NAT16: variants seen among roughly 807,000 people sequenced by gnomAD.
NAT16 encodes probable N-acetyltransferase 16.
In NAT16, 16 loss-of-function variants were observed where a neutral mutation model predicts 15.9. The ratio of observed to expected loss-of-function variants is 1.01; its 90% CI spans 0.68 to 1.53. The LOEUF is 1.53. NAT16 is among the 40% of genes most tolerant of loss of function. The probability of loss-of-function intolerance (pLI) is 0.00; values close to 1 mark genes in which losing one functional copy is unlikely to be tolerated. For missense variants in NAT16, 572 were observed against 508.4 expected (o/e 1.13, Z -1.20); for synonymous variants, 260 against 241.9 (o/e 1.07, Z -0.69).
chr7:101,173,795 C>A (rs930967628), intron 2 of NAT16: 4 of 473,970 alleles, frequency 8.4e-6, no homozygotes, highest in Non-Finnish European at 1.5e-5. Context: ...GCTATCACAG[C>A]TCACTGCAGC....
chr7:101,172,755 T>G lies in NAT16; in HGVS notation c.538-104A>C, dbSNP rs374071722. On this transcript the variant is annotated intron_variant, in intron 3 of 3. Coordinates refer to ENST00000300303, the MANE Select transcript of NAT16 (RefSeq NM_198571.3). The surrounding 1 kb of genome is among the most constrained non-coding windows in gnomAD (Gnocchi z 4.2). ...CACTCCCACGTTCACGCCCACGGGC[T>G]CCCACCTGGGTCCCTCTGGAGGAGC... 4 of 957,780 alleles carry G rather than the reference T, an allele frequency of 4.2e-6. No homozygotes were observed. The highest frequency in any genetic ancestry group is 1.8e-5 in the South Asian group (1 of 55,034). 59.3% of individuals were successfully genotyped at this position (957,780 alleles called of 1,614,324 possible).
Position 101,172,279 on chromosome 7 carries a change from T to C in NAT16, c.910A>G (p.Ser304Gly), listed in dbSNP as rs749914075. ...WRYLNIDAFG[S>G]DGAQVQSQLL... ...TGGCTCTGCACCTGCGCGCCGTCGC[T>C]ACCGAAGGCGTCGATGTTGAGATAG... The change falls in exon 4 of 4, where the codon AGC (serine) becomes GGC (glycine). Residue 304 changes from serine (S) to glycine (G), a missense_variant. Transcript: ENST00000300303. This position sits in a 1 kb window ranked among gnomAD's most constrained non-coding sequence, Gnocchi z 4.2. The C allele has an allele frequency of 1.2e-6, 2 of 1,612,374 alleles. No individual in the cohort carries two copies. The highest frequency in any genetic ancestry group is 2.2e-5 in the East Asian group (1 of 44,814).
chr7:101,178,904 A>AAAAAAAAAAC (rs1359760336), intron 1 of NAT16, among the ~76,000 whole-genome samples: 1 of 150,194 alleles, frequency 6.7e-6, no homozygotes, highest in Non-Finnish European at 1.5e-5. Context: ...AAAAAAAAAA[A>AAAAAAAAAAC]AAAAAAGAGG....
chr7:101,174,670 A>T lies in NAT16; in HGVS notation c.138T>A (p.Pro46=). ...AGTCCAATGGCTCGGCCTCAGCCTCAGGCCCCGATCCCGACCTGGGCTCGG... is the reference window on the plus strand; with the variant it reads ...AGTCCAATGGCTCGGCCTCAGCCTCTGGCCCCGATCCCGACCTGGGCTCGG... ...VEAEPRSGSG[P]EAEAEPLDFV... is the part of the protein sequence containing the mutation. Residue 46 remains proline, a synonymous_variant, in exon 2 of 4, where the codon CCT becomes CCA. Coordinates refer to ENST00000300303, the MANE Select transcript of NAT16 (RefSeq NM_198571.3). 6.2e-7 allele frequency: 1 copy of T among 1,613,562 alleles called. No homozygotes were observed. The highest frequency in any genetic ancestry group is 8.5e-7 in the Non-Finnish European group (1 of 1,179,954).
At chr7:101,174,883 C>T (rs1302373232) in intron 1 of NAT16, 72 bp from the exon 2 acceptor site, 3 of 1,490,608 alleles carry the variant, frequency 2.0e-6, no homozygotes, top group South Asian at 1.4e-5. Flanking sequence ...TGCACACAAA[C>T]GGTCCTAATG....
intron 1 of NAT16, among the ~76,000 whole-genome samples, chr7:101,176,134 A>G (rs1244655304): frequency 1.3e-5 from 2 of 152,028 alleles, no homozygotes; most frequent in Non-Finnish European, 2.9e-5. Flanking sequence ...GACCCCAAAT[A>G]TCCTCCATAT....
Position 101,172,658 on chromosome 7 carries a change from G to C in NAT16, c.538-7C>G, listed in dbSNP as rs767752196. On this transcript the variant is annotated splice_polypyrimidine_tract_variant and splice_region_variant and intron_variant, in intron 3 of 3. Transcript: ENST00000300303. The surrounding 1 kb of genome is among the most constrained non-coding windows in gnomAD (Gnocchi z 4.2). ...ATCGGACCAAAAGGATGCCCTGCGG[G>C]GGGCACGAGTGAGCGCGGGGAGGGG... is the stretch of plus-strand genomic sequence containing the variant. The C allele has an allele frequency of 6.7e-7, 1 of 1,491,408 alleles. No homozygotes were observed. Among genetic ancestry groups the C allele is most frequent in the East Asian group, 2.7e-5 (1 of 37,092 alleles). The allele number at this position is 1,491,408 out of a possible 1,614,324, so 92.4% of individuals were successfully genotyped here.
At position 101,173,254 on chromosome 7, in the gene NAT16, C is replaced by T. The variant is rs2116724998; in HGVS notation, c.537+42G>A. ...GTGGGGAGGGTCTCCCCATATGCCC[C>T]AGCAGAGAGGCCCAGCCATCCGAGC... is the stretch of plus-strand genomic sequence containing the variant. On this transcript the variant is annotated intron_variant, in intron 3 of 3. Coordinates refer to ENST00000300303, the MANE Select transcript of NAT16 (RefSeq NM_198571.3). 3 of 1,558,206 alleles carry T rather than the reference C, an allele frequency of 1.9e-6. No homozygotes were observed. In the South Asian group the frequency reaches 3.3e-5, roughly 17 times the overall value.
intron 1 of NAT16, among the ~76,000 whole-genome samples, chr7:101,178,399 C>A (rs1797512196): frequency 6.6e-6 from 1 of 152,138 alleles, no homozygotes; most frequent in East Asian, 1.9e-4. Flanking sequence ...TAGCCTGTAA[C>A]CCTTGCTTCA....
In NAT16 at chr7:101,173,356, G is replaced by A. The variant is rs1323413504; in HGVS notation, c.477C>T (p.Leu159=). 4.3e-6 allele frequency: 7 copies of A among 1,613,946 alleles called. No individual in the cohort carries two copies. Among genetic ancestry groups the A allele is most frequent in the Non-Finnish European group, 5.9e-6 (7 of 1,180,008 alleles). ...RQHPGVKVAR[L]TRDDQLGPRE... is the part of the protein sequence containing the mutation. ...GGGGGCCCAGCTGGTCGTCCCGGGT[G>A]AGCCGTGCCACCTTGACCCCCGGGT... Residue 159 remains leucine (L), a synonymous_variant, in exon 3 of 4, where the codon CTC becomes CTT. Coordinates refer to ENST00000300303, the MANE Select transcript of NAT16 (RefSeq NM_198571.3).
At position 101,170,960 on chromosome 7, in the gene NAT16, A is replaced by T. The variant is rs1343976401; in HGVS notation, c.*1119T>A. 6.6e-6 allele frequency: 1 copy of T among 152,296 alleles called. No individual in the cohort carries two copies. Among genetic ancestry groups the T allele is most frequent in the African/African-American group, 2.4e-5 (1 of 41,464 alleles). 9.4% of individuals were successfully genotyped at this position (152,296 alleles called of 1,614,324 possible). A position where few individuals can be genotyped will look rare whatever the true frequency, so the allele number is the denominator to read the frequency against. ...ACCAGTATTGGAGACAGCGCTGTGC[A>T]GATGCAGCTGTTACTACTTGCAATT... On this transcript the variant is annotated 3_prime_UTR_variant, in exon 4 of 4. Transcript: ENST00000300303.
chr7:101,172,316 G>A lies in NAT16; in HGVS notation c.873C>T (p.Asp291=), dbSNP rs757813749. The change falls in exon 4 of 4, where the codon GAC becomes GAT. Residue 291 remains aspartate, a synonymous_variant. Coordinates refer to ENST00000300303, the MANE Select transcript of NAT16 (RefSeq NM_198571.3). The surrounding 1 kb of genome is among the most constrained non-coding windows in gnomAD (Gnocchi z 4.2). ...CGATGTTGAGATAGCGCCAAGTGCC[G>A]TCCCCTCCGTGCGGGATGGGGAAGG... ...TRPFPIPHGG[D]GTWRYLNIDA... 1.2e-6 allele frequency: 2 copies of A among 1,608,314 alleles called. No individual in the cohort carries two copies. Among genetic ancestry groups the A allele is most frequent in the Non-Finnish European group, 8.5e-7 (1 of 1,178,046 alleles).
In NAT16 at chr7:101,170,536, C is replaced by A. The variant is rs529700615; in HGVS notation, c.*1543G>T. ...TTTTATTGTCATACAATCGTGGTCACCGTGACAAGGAGGGTGGCAGCGTGG... is the reference window on the plus strand; with the variant it reads ...TTTTATTGTCATACAATCGTGGTCAACGTGACAAGGAGGGTGGCAGCGTGG... On this transcript the variant is annotated 3_prime_UTR_variant, in exon 4 of 4. Transcript: ENST00000300303. The A allele has an allele frequency of 4.1e-4, 63 of 152,580 alleles. No homozygotes were observed. The highest frequency in any genetic ancestry group is 8.8e-5 in the Non-Finnish European group (6 of 68,054). 9.5% of individuals were successfully genotyped at this position (152,580 alleles called of 1,614,324 possible).
rs71126381 is a variant in NAT16 at position 101,178,889 on chromosome 7, CAAAAA to C, written c.-5+1148_-5+1152del. On this transcript the variant is annotated intron_variant, in intron 1 of 3. Transcript: ENST00000300303. ...CTGGGCAACAAGAGTGAAACGCTGT[CAAAAA>C]AAAAAAAAAAAAAAAAGAGGAATAA... Among the ~76,000 whole-genome samples, 64 of 62,084 alleles carry C rather than the reference CAAAAA, an allele frequency of 1.0e-3. 3 individuals carry two copies. The highest frequency in any genetic ancestry group is 8.8e-3 in the East Asian group (20 of 2,262). 40.7% of individuals were successfully genotyped at this position (62,084 alleles called of 152,430 possible). A position where few individuals can be genotyped will look rare whatever the true frequency, so the allele number is the denominator to read the frequency against.
chr7:101,173,254 C>G, intron 3 of NAT16, 42 bp downstream of exon 3: 1 of 1,558,206 alleles, frequency 6.4e-7, no homozygotes, highest in South Asian at 1.1e-5. Context: ...CCATATGCCC[C>G]AGCAGAGAGG....
chr7:101,172,320 C>G lies in NAT16; in HGVS notation c.869G>C (p.Gly290Ala). 2.5e-6 allele frequency: 4 copies of G among 1,607,846 alleles called. No homozygotes were observed. The highest frequency in any genetic ancestry group is 2.5e-6 in the Non-Finnish European group (3 of 1,177,988). ...CTRPFPIPHG[G>A]DGTWRYLNID... is the part of the protein sequence containing the mutation. ...GTTGAGATAGCGCCAAGTGCCGTCCCCTCCGTGCGGGATGGGGAAGGGGCG... is the reference window on the plus strand; with the variant it reads ...GTTGAGATAGCGCCAAGTGCCGTCCGCTCCGTGCGGGATGGGGAAGGGGCG... Residue 290 changes from glycine to alanine, a missense_variant, in exon 4 of 4, where the codon GGG becomes GCG. Physicochemically the swap from Gly to Ala is moderately conservative, Grantham distance 60 (BLOSUM62 0). Transcript: ENST00000300303. The surrounding 1 kb of genome is among the most constrained non-coding windows in gnomAD (Gnocchi z 4.2).
intron 1 of NAT16, among the ~76,000 whole-genome samples, chr7:101,176,268 G>A (rs980451427): frequency 2.0e-5 from 3 of 152,206 alleles, no homozygotes; most frequent in African/African-American, 7.2e-5. Flanking sequence ...GCCGAGGCGG[G>A]TAGATCACCT....
At chr7:101,179,869 C>T (rs1797554427) in intron 1 of NAT16, among the ~76,000 whole-genome samples, 173 bp downstream of exon 1, 1 of 152,084 alleles carries the variant, frequency 6.6e-6, no homozygotes, top group South Asian at 2.1e-4. Context: ...TTCTGGACAC[C>T]TGAAGCGCAG....
intron 3 of NAT16, 115 bp downstream of exon 3, chr7:101,173,181 G>T: frequency 3.1e-6 from 3 of 955,528 alleles, no homozygotes; most frequent in Non-Finnish European, 5.0e-6. Context: ...CATGGGCCGC[G>T]CCACTCGGTA....
Sources: allele counts gnomAD v4.1 joint callset (sites outside exome capture counted in the v4.1 genomes callset), GRCh38; gene constraint gnomAD v4.1.1; non-coding constraint Gnocchi (gnomAD v3.1); transcripts MANE v1.5; gene names NCBI Gene and HGNC (gene_info 2026-07-23, HGNC 2026-07-21).